Variants in MYPN observed in about 807,000 individuals in gnomAD.
MYPN encodes the protein sarcomeric protein myopalladin, 145 kDa (MYOP).
MYPN carries 63 observed loss-of-function variants against 129.4 expected under a neutral mutation model. The observed-to-expected ratio is 0.49, with a 90% CI of 0.40 to 0.60. The LOEUF (loss-of-function observed/expected upper bound fraction) is 0.60. MYPN is among the 20% of genes least tolerant of loss of function. The probability of loss-of-function intolerance (pLI) is 0.00; values close to 1 mark genes in which losing one functional copy is unlikely to be tolerated. For synonymous variants in MYPN, 629 were observed against 600.9 expected (o/e 1.05, Z -0.68); for missense variants, 1,596 against 1,635.4 (o/e 0.98, Z 0.42).
At chr10:68,198,112 G>T (rs577429110) in intron 16 of MYPN, among the ~76,000 whole-genome samples, 1 of 152,318 alleles carries the variant, frequency 6.6e-6, no homozygotes, top group Non-Finnish European at 1.5e-5. Context: ...CTATAATTCA[G>T]ACATTTGCAT....
chr10:68,119,874 C>T (rs769030395), intron 1 of MYPN, among the ~76,000 whole-genome samples: 4 of 152,088 alleles, frequency 2.6e-5, no homozygotes, highest in African/African-American at 7.2e-5. Flanking sequence ...AGGTGGCTGC[C>T]TACTTTGCCA....
intron 13 of MYPN, among the ~76,000 whole-genome samples, chr10:68,193,379 G>C (rs2043547570): frequency 6.6e-6 from 1 of 152,146 alleles, no homozygotes; most frequent in Admixed American, 6.5e-5. Context: ...TCTTAGTCAT[G>C]ATACTATATT....
chr10:68,115,435 C>A (rs1252836162), intron 1 of MYPN, among the ~76,000 whole-genome samples: 1 of 152,108 alleles, frequency 6.6e-6, no homozygotes, highest in African/African-American at 2.4e-5. Context: ...ACTGCTCTTT[C>A]TTTCACATCC....
At chr10:68,150,714 G>C (rs897903614) in intron 6 of MYPN, among the ~76,000 whole-genome samples, 1 of 152,148 alleles carries the variant, frequency 6.6e-6, no homozygotes, top group African/African-American at 2.4e-5. Flanking sequence ...CCAGTTAGTG[G>C]CAGAATCAGG....
rs1369281698 is a variant in MYPN at position 68,210,622 on chromosome 10, C to A, written c.*167C>A. The A allele has an allele frequency of 1.3e-6, 1 of 778,576 alleles. No homozygotes were observed. The highest frequency in any genetic ancestry group is 2.2e-6 in the Non-Finnish European group (1 of 450,892). 48.2% of individuals were successfully genotyped at this position (778,576 alleles called of 1,614,324 possible). On this transcript the variant is annotated 3_prime_UTR_variant, in exon 20 of 20. Transcript: ENST00000358913. ...CAGCTAGGGATTCTTGCAGTCTCAG[C>A]TGAGGGAGAAAGGTAGGGCTGTGCC...
Position 68,174,501 on chromosome 10 carries a change from C to T in MYPN, c.2409C>T (p.Ser803=), listed in dbSNP as rs3814182. ...TPPPFTFSIP[S]GNQFQPRCVS... ...CACCATTCACATTTTCCATCCCCAG[C>T]GGAAACCAGTTTCAGCCCCGCTGTG... Residue 803 remains serine, a synonymous_variant, in exon 11 of 20, where the codon AGC becomes AGT. Coordinates refer to ENST00000358913, the MANE Select transcript of MYPN (RefSeq NM_032578.4). 9.3e-6 allele frequency: 15 copies of T among 1,613,688 alleles called. No homozygotes were observed. The highest frequency in any genetic ancestry group is 1.3e-5 in the Non-Finnish European group (15 of 1,179,938).
intron 6 of MYPN, among the ~76,000 whole-genome samples, chr10:68,157,876 G>C (rs1425077145): frequency 7.0e-6 from 1 of 142,932 alleles, no homozygotes. Flanking sequence ...AAACACCCCC[G>C]ACCAATAAAA....
At chr10:68,169,195 A>C (rs965596651) in intron 10 of MYPN, among the ~76,000 whole-genome samples, 7 of 146,404 alleles carry the variant, frequency 4.8e-5, no homozygotes, top group African/African-American at 1.8e-4. Context: ...AAAAAAAAAA[A>C]AAAAAAAAAA....
intron 12 of MYPN, among the ~76,000 whole-genome samples, chr10:68,175,907 AT>A (rs2043220812): frequency 6.6e-6 from 1 of 151,920 alleles, no homozygotes; most frequent in Admixed American, 6.6e-5. Flanking sequence ...GGCCCAGCTA[AT>A]TTTTTTAATT....
rs200786762 is a variant in MYPN, at chr10:68,199,502, C to T, written c.3420C>T (p.Asp1140=). The T allele has an allele frequency of 2.6e-5, 42 of 1,614,150 alleles. No homozygotes were observed. The highest frequency in any genetic ancestry group is 3.3e-5 in the South Asian group (3 of 91,088). The change falls in exon 17 of 20, where the codon GAC becomes GAT. Residue 1140 remains aspartate (D), a synonymous_variant. Transcript: ENST00000358913. ...SLLIDPLTQR[D]AGTYKCIATN... ...TCATTGACCCACTCACTCAGCGCGACGCAGGGACCTATAAGTGCATCGCTA... is the reference window on the plus strand; with the variant it reads ...TCATTGACCCACTCACTCAGCGCGATGCAGGGACCTATAAGTGCATCGCTA...
At chr10:68,147,854 A>G (rs2042695023) in intron 4 of MYPN, among the ~76,000 whole-genome samples, 2 of 152,168 alleles carry the variant, frequency 1.3e-5, no homozygotes, top group Non-Finnish European at 2.9e-5. Flanking sequence ...AATTTGTGTA[A>G]ACTTGAAAAG....
chr10:68,117,132 G>A (rs551798694), intron 1 of MYPN, among the ~76,000 whole-genome samples: 398 of 152,098 alleles, frequency 2.6e-3, no homozygotes, highest in African/African-American at 9.3e-3. Flanking sequence ...GCTGAGGCAG[G>A]AGAATCGCTT....
At chr10:68,105,356 A>G (rs561568559), upstream of MYPN, among the ~76,000 whole-genome samples, 4 of 152,230 alleles carry the variant, frequency 2.6e-5, no homozygotes, top group Non-Finnish European at 4.4e-5. Context: ...AGTGCCTCGC[A>G]CATAGCTAAG....
Position 68,135,415 on chromosome 10 carries a change from A to G in MYPN, c.903-7525A>G, listed in dbSNP as rs2042471450. Reference sequence around the variant, plus strand: ...GTGTCACAAAATTCAACATAACTTTATTAGACAACATTTATTATTATCTTA... The same window carrying G: ...GTGTCACAAAATTCAACATAACTTTGTTAGACAACATTTATTATTATCTTA... On this transcript the variant is annotated intron_variant, in intron 2 of 19. Transcript: ENST00000358913. 1.5e-5 allele frequency: 13 copies of G among 890,392 alleles called. 1 individual carries two copies. Among genetic ancestry groups the G allele is most frequent in the East Asian group, 1.2e-4 (1 of 8,108 alleles). 55.2% of individuals were successfully genotyped at this position (890,392 alleles called of 1,614,324 possible). A position where few individuals can be genotyped will look rare whatever the true frequency, so the allele number is the denominator to read the frequency against.
chr10:68,200,503 A>T (rs1276823744), intron 17 of MYPN, among the ~76,000 whole-genome samples: 1 of 151,446 alleles, frequency 6.6e-6, no homozygotes, highest in Non-Finnish European at 1.5e-5. Context: ...CACACCTGTA[A>T]TCCCAACATT....
intron 9 of MYPN, 100 bp downstream of exon 9, chr10:68,165,918 GC>G: frequency 9.6e-7 from 1 of 1,046,718 alleles, no homozygotes; most frequent in Non-Finnish European, 1.5e-6. Context: ...TACAAAGCTG[GC>G]TTGGCTCTTC....
At chr10:68,118,788 C>T (rs1222721860) in intron 1 of MYPN, among the ~76,000 whole-genome samples, 2 of 151,548 alleles carry the variant, frequency 1.3e-5, no homozygotes, top group Admixed American at 1.3e-4. Flanking sequence ...GAGCTATGAT[C>T]ATGCCACTGT....
chr10:68,177,409 G>A (rs1360812215), intron 12 of MYPN, among the ~76,000 whole-genome samples: 1 of 152,170 alleles, frequency 6.6e-6, no homozygotes, highest in East Asian at 1.9e-4. Flanking sequence ...TACATTCCAT[G>A]CCATGGATAA....
chr10:68,208,745 G>A, intron 19 of MYPN, among the ~76,000 whole-genome samples: 1 of 152,080 alleles, frequency 6.6e-6, no homozygotes, highest in South Asian at 2.1e-4. Context: ...ACCTAGGATG[G>A]AGGACGCGTG....
Sources: allele counts gnomAD v4.1 joint callset (sites outside exome capture counted in the v4.1 genomes callset), GRCh38; gene constraint gnomAD v4.1.1; transcripts MANE v1.5; gene names NCBI Gene and HGNC (gene_info 2026-07-23, HGNC 2026-07-21).